NDC1: variants seen among roughly 807,000 people sequenced by gnomAD.
NDC1 encodes NDC1 transmembrane nucleoporin.
In NDC1, 24 loss-of-function variants were observed where a neutral mutation model predicts 89.8. The ratio of observed to expected loss-of-function variants is 0.27; its 90% CI spans 0.19 to 0.38. The LOEUF (loss-of-function observed/expected upper bound fraction) is 0.38, where lower values mean the gene tolerates loss of function less well. Among genes scored for constraint, NDC1 ranks in the 10% least tolerant of loss-of-function variants. The pLI, the probability that NDC1 is intolerant of heterozygous loss-of-function variation, is 1.00. For synonymous variants in NDC1, 296 were observed against 284.8 expected (o/e 1.04, Z -0.39); for missense variants, 728 against 797.6 (o/e 0.91, Z 1.05).
At chr1:53,821,146 A>T (rs1421623870) in intron 5 of NDC1, among the ~76,000 whole-genome samples, 5 of 152,082 alleles carry the variant, frequency 3.3e-5, no homozygotes, top group Admixed American at 1.3e-4. Flanking sequence ...TACAAAAAGC[A>T]GCCCAGGCCA....
chr1:53,803,773 G>A (rs1438633195), intron 10 of NDC1, among the ~76,000 whole-genome samples, 155 bp downstream of exon 10: 3 of 152,156 alleles, frequency 2.0e-5, no homozygotes, highest in Non-Finnish European at 2.9e-5. Flanking sequence ...GGGTTTCACC[G>A]TGTTAGCCAG....
At chr1:53,832,287 A>G (rs1649092642) in intron 3 of NDC1, among the ~76,000 whole-genome samples, 1 of 152,198 alleles carries the variant, frequency 6.6e-6, no homozygotes, top group Non-Finnish European at 1.5e-5. Flanking sequence ...ATCATATAAT[A>G]TTTGTCCTAA....
chr1:53,835,764 C>T (rs375003114), intron 1 of NDC1, 144 bp from the exon 2 acceptor site: 25 of 655,030 alleles, frequency 3.8e-5, no homozygotes, highest in Admixed American at 6.4e-5. Flanking sequence ...AATAACATTA[C>T]GTACCACTAA....
intron 1 of NDC1, among the ~76,000 whole-genome samples, chr1:53,836,444 T>C (rs1481074904): frequency 1.4e-5 from 2 of 140,270 alleles, no homozygotes; most frequent in African/African-American, 5.7e-5. Context: ...AGCAAGACTC[T>C]GTCTAACAAA....
chr1:53,818,858 T>C (rs1320851973), intron 6 of NDC1, 113 bp downstream of exon 6: 2 of 570,124 alleles, frequency 3.5e-6, no homozygotes, highest in African/African-American at 2.0e-5. Flanking sequence ...TCAGTTGAGC[T>C]AATCACATAC....
chr1:53,810,583 C>A (rs536332310), intron 6 of NDC1, among the ~76,000 whole-genome samples: 9 of 152,274 alleles, frequency 5.9e-5, no homozygotes, highest in Non-Finnish European at 1.3e-4. Flanking sequence ...AGAGGAACAA[C>A]CAGGCTGACT....
chr1:53,779,425 A>T (rs1647186996), intron 16 of NDC1, among the ~76,000 whole-genome samples: 1 of 152,016 alleles, frequency 6.6e-6, no homozygotes, highest in Admixed American at 6.6e-5. Context: ...GGCATCTTAG[A>T]TTCAAAGAAA....
chr1:53,789,061 C>A, intron 15 of NDC1, 72 bp downstream of exon 15: 1 of 997,248 alleles, frequency 1.0e-6, no homozygotes, highest in Non-Finnish European at 1.6e-6. Context: ...CCAGAACTGA[C>A]CTTTCATGAA....
At chr1:53,794,986 T>A (rs760758192) in intron 13 of NDC1, among the ~76,000 whole-genome samples, 3 of 152,172 alleles carry the variant, frequency 2.0e-5, no homozygotes, top group Non-Finnish European at 2.9e-5. Context: ...TTTCTTGTGG[T>A]CTCCAATTCG....
chr1:53,770,470 C>T (rs1647103313), intron 17 of NDC1, among the ~76,000 whole-genome samples: 2 of 151,474 alleles, frequency 1.3e-5, no homozygotes, highest in Non-Finnish European at 2.9e-5. Context: ...CCATGCCCAG[C>T]TAATTTTTGT....
rs375401171 is a variant in NDC1, at chr1:53,818,930, T to C, written c.703+41A>G. The stretch of plus-strand genomic sequence containing the variant: ...TTTGTAACTGACATTTTCTGGGCTA[T>C]GAGATAATATATCACTGTATCAAAA... On this transcript the variant is annotated intron_variant, in intron 6 of 17. Coordinates refer to ENST00000371429, the MANE Select transcript of NDC1 (RefSeq NM_018087.5). 6 of 885,170 alleles carry C rather than the reference T, an allele frequency of 6.8e-6. No individual in the cohort carries two copies. In the African/African-American group the frequency reaches 1.0e-4, roughly 15 times the overall value. 54.8% of individuals were successfully genotyped at this position (885,170 alleles called of 1,614,324 possible).
At chr1:53,797,738 TC>T (rs1396112722) in intron 11 of NDC1, among the ~76,000 whole-genome samples, 1 of 152,148 alleles carries the variant, frequency 6.6e-6, no homozygotes, top group Non-Finnish European at 1.5e-5. Flanking sequence ...CCAGCGATCC[TC>T]CCACCTCAGC....
intron 1 of NDC1, among the ~76,000 whole-genome samples, chr1:53,836,187 G>T (rs143090382): frequency 4.2e-4 from 64 of 152,222 alleles, no homozygotes; most frequent in African/African-American, 1.5e-3. Flanking sequence ...CTGAAAGCTG[G>T]CTTTAAGGAA....
chr1:53,792,973 C>A (rs1464773972), intron 14 of NDC1, among the ~76,000 whole-genome samples: 1 of 152,192 alleles, frequency 6.6e-6, no homozygotes, highest in Admixed American at 6.5e-5. Flanking sequence ...GTCTGTGTTG[C>A]CTATCAGCAC....
intron 10 of NDC1, among the ~76,000 whole-genome samples, chr1:53,802,116 A>G (rs13374062): frequency 1.3e-5 from 2 of 152,210 alleles, no homozygotes; most frequent in Non-Finnish European, 2.9e-5. Flanking sequence ...TTACTTGAAT[A>G]TCTGGTAAAA....
chr1:53,777,312 T>C (rs1272421681), intron 16 of NDC1, among the ~76,000 whole-genome samples: 1 of 152,064 alleles, frequency 6.6e-6, no homozygotes, highest in East Asian at 1.9e-4. Flanking sequence ...ATGTGAGCCA[T>C]CATGTCCAAC....
chr1:53,838,271 G>C lies in NDC1; in HGVS notation c.-10C>G. The C allele has an allele frequency of 1.3e-6, 2 of 1,536,726 alleles. No homozygotes were observed. The highest frequency in any genetic ancestry group is 1.4e-5 in the African/African-American group (1 of 72,754). On this transcript the variant is annotated 5_prime_UTR_variant, in exon 1 of 18. Transcript: ENST00000371429. ...TCACGGCCGTGGCCATGGAGATGGC[G>C]GCCCCTAGTCTAGGGCGTACAGGAG...
chr1:53,787,355 A>G, intron 15 of NDC1, 97 bp from the exon 16 acceptor site: 1 of 726,918 alleles, frequency 1.4e-6, no homozygotes, highest in East Asian at 2.7e-5. Context: ...TCTGAATATA[A>G]AAAGAAATAA....
chr1:53,828,224 T>C lies in NDC1; in HGVS notation c.281-51A>G, dbSNP rs760168020. On this transcript the variant is annotated intron_variant, in intron 3 of 17. Transcript: ENST00000371429. ...CTTTATAACCTACAGCATATGCAGT[T>C]AGAGGATCTAAACTATCCCCTCTCA... 3.2e-6 allele frequency: 5 copies of C among 1,545,620 alleles called. No individual in the cohort carries two copies. In the African/African-American group the frequency reaches 6.8e-5, roughly 21 times the overall value.
Sources: gnomAD v4.1 joint callset for allele counts (sites outside exome capture counted in the v4.1 genomes callset) on GRCh38, gnomAD v4.1.1 for gene constraint, MANE v1.5 for transcripts, NCBI Gene and HGNC (gene_info 2026-07-23, HGNC 2026-07-21) for gene names.